IQGAP1: variants seen among roughly 807,000 people sequenced by gnomAD.
IQGAP1 encodes IQ motif containing GTPase activating protein 1.
Under a neutral mutation model 215.6 loss-of-function variants are expected in IQGAP1, and 66 were observed. The observed-to-expected ratio is 0.31, with a 90% CI of 0.25 to 0.38. IQGAP1 has a LOEUF of 0.38. Among genes scored for constraint, IQGAP1 ranks in the 10% least tolerant of loss-of-function variants. The pLI, the probability that IQGAP1 is intolerant of heterozygous loss-of-function variation, is 1.00. For synonymous variants in IQGAP1, 772 were observed against 728.7 expected (o/e 1.06, Z -0.96); for missense variants, 1,712 against 1,997.1 (o/e 0.86, Z 2.72).
At position 90,467,611 on chromosome 15, in the gene IQGAP1, C is replaced by A; in HGVS notation, c.2178+19C>A. 2.5e-6 allele frequency: 4 copies of A among 1,589,922 alleles called. No homozygotes were observed. Among genetic ancestry groups the A allele is most frequent in the East Asian group, 4.6e-5 (2 of 43,928 alleles). On this transcript the variant is annotated intron_variant, in intron 18 of 37. Transcript: ENST00000268182. ...GATCCAGGTAGGTTACCTTTCTTCA[C>A]GTAAGAAGAAGCTGAGAGAAAGTGT...
chr15:90,441,991 A>G (rs1965457087), intron 8 of IQGAP1, among the ~76,000 whole-genome samples: 1 of 152,212 alleles, frequency 6.6e-6, no homozygotes, highest in South Asian at 2.1e-4. Flanking sequence ...GGAATGATGC[A>G]GTATCTAATC....
Position 90,448,643 on chromosome 15 carries a change from G to A in IQGAP1, c.984G>A (p.Leu328=), listed in dbSNP as rs759348453. ...ATGCACTGGCCTTGTTCAGGGCTCTGCAGTCACCAGCCCTGGGGCTTCGAG... is the reference window on the plus strand; with the variant it reads ...ATGCACTGGCCTTGTTCAGGGCTCTACAGTCACCAGCCCTGGGGCTTCGAG... ...QGDALALFRA[L]QSPALGLRGL... is the part of the protein sequence containing the mutation. The change falls in exon 10 of 38, where the codon CTG becomes CTA. Residue 328 remains leucine, a synonymous_variant. Transcript: ENST00000268182. 9 of 1,612,180 alleles carry A rather than the reference G, an allele frequency of 5.6e-6. No individual in the cohort carries two copies. The South Asian group carries it at 8.8e-5, about 16-fold the overall frequency.
At chr15:90,393,963 C>T (rs1054198687) in intron 2 of IQGAP1, 1 of 152,068 alleles carries the variant, frequency 6.6e-6, no homozygotes, top group African/African-American at 2.4e-5. Flanking sequence ...GGAGAAACCC[C>T]CGTCTCTACT....
At chr15:90,466,754 G>A (rs1191511273) in intron 17 of IQGAP1, among the ~76,000 whole-genome samples, 1 of 151,954 alleles carries the variant, frequency 6.6e-6, no homozygotes, top group Non-Finnish European at 1.5e-5. Flanking sequence ...GTAAAAAGAG[G>A]GAAAGAAATA....
chr15:90,476,998 A>G, intron 24 of IQGAP1, 69 bp from the exon 25 acceptor site: 1 of 1,458,644 alleles, frequency 6.9e-7, no homozygotes, highest in East Asian at 2.3e-5. Flanking sequence ...CTTCAATTTT[A>G]AATAATTGAA....
At position 90,439,377 on chromosome 15, in the gene IQGAP1, A is replaced by G. The variant is rs760199667; in HGVS notation, c.513A>G (p.Leu171=). ...KLGLAPQIQD[L]YGKVDFTEEE... ...GCCTGGCCCCTCAGATTCAAGACCT[A>G]TATGGAAAGGTTGACTTCACAGGTA... Residue 171 remains leucine (L), a synonymous_variant, in exon 6 of 38, where the codon CTA becomes CTG. Coordinates refer to ENST00000268182, the MANE Select transcript of IQGAP1 (RefSeq NM_003870.4). The G allele has an allele frequency of 2.0e-5, 33 of 1,613,058 alleles. No individual in the cohort carries two copies. Among genetic ancestry groups the G allele is most frequent in the Non-Finnish European group, 2.7e-5 (32 of 1,179,286 alleles).
At chr15:90,441,760 A>C in intron 8 of IQGAP1, 76 bp downstream of exon 8, 1 of 1,035,428 alleles carries the variant, frequency 9.7e-7, no homozygotes, top group African/African-American at 1.6e-5. Context: ...TTTAAACATC[A>C]GTTTTATTGA....
rs748111139 is a variant in IQGAP1 at position 90,388,359 on chromosome 15, G to C, written c.18G>C (p.Glu6Asp). The C allele has an allele frequency of 1.3e-6, 2 of 1,595,064 alleles. No individual in the cohort carries two copies. The highest frequency in any genetic ancestry group is 2.8e-5 in the African/African-American group (2 of 71,948). Residue 6 changes from glutamate (E) to aspartate (D), a missense_variant, in exon 1 of 38, where the codon GAG becomes GAC. This residue lies in a region of IQGAP1 where 1,021 missense variants were observed against 1,074.2 expected (regional missense o/e 0.95). Transcript: ENST00000268182. Reference sequence around the variant, plus strand: ...CGTCCGCCATGTCCGCCGCAGACGAGGTTGACGGGCTGGGCGTGGCCCGGC... The same window carrying C: ...CGTCCGCCATGTCCGCCGCAGACGACGTTGACGGGCTGGGCGTGGCCCGGC... MSAAD[E>D]VDGLGVARPH...
rs1425298007 is a variant in IQGAP1 at position 90,491,557 on chromosome 15, G to C, written c.4461+12G>C. On this transcript the variant is annotated intron_variant, in intron 34 of 37. Coordinates refer to ENST00000268182, the MANE Select transcript of IQGAP1 (RefSeq NM_003870.4). ...ACGACATTGCCAGGGTACTGCATTCGGGGGACAGAGGGGACCCGGCCTTGT... is the reference window on the plus strand; with the variant it reads ...ACGACATTGCCAGGGTACTGCATTCCGGGGACAGAGGGGACCCGGCCTTGT... 5.0e-6 allele frequency: 8 copies of C among 1,606,470 alleles called. No individual in the cohort carries two copies. Among genetic ancestry groups the C allele is most frequent in the Non-Finnish European group, 6.8e-6 (8 of 1,173,328 alleles).
intron 9 of IQGAP1, among the ~76,000 whole-genome samples, chr15:90,447,007 A>C (rs1208537339): frequency 2.6e-5 from 4 of 152,230 alleles, no homozygotes; most frequent in Non-Finnish European, 5.9e-5. Context: ...CTAAGACTCT[A>C]TGCTATATAC....
chr15:90,446,058 G>C (rs954327698), intron 9 of IQGAP1, among the ~76,000 whole-genome samples: 2 of 152,112 alleles, frequency 1.3e-5, no homozygotes, highest in East Asian at 3.9e-4. Context: ...ATGGTATCTT[G>C]TGCTGAATCT....
At chr15:90,400,233 T>C (rs1964786575) in intron 2 of IQGAP1, among the ~76,000 whole-genome samples, 1 of 152,212 alleles carries the variant, frequency 6.6e-6, no homozygotes, top group East Asian at 1.9e-4. Flanking sequence ...TGTAGTCTAT[T>C]TTATGGCTCT....
chr15:90,469,883 A>G (rs925757110), intron 18 of IQGAP1, among the ~76,000 whole-genome samples: 2 of 152,176 alleles, frequency 1.3e-5, no homozygotes, highest in Non-Finnish European at 2.9e-5. Flanking sequence ...GGAGAGGCGA[A>G]TGGTGTATTA....
chr15:90,433,120 G>A (rs913639286), intron 4 of IQGAP1, among the ~76,000 whole-genome samples: 1 of 152,192 alleles, frequency 6.6e-6, no homozygotes, highest in Admixed American at 6.5e-5. Context: ...AAGTGCTACC[G>A]TGGAAAAGTA....
intron 9 of IQGAP1, among the ~76,000 whole-genome samples, chr15:90,445,298 AG>A (rs1326750686): frequency 3.3e-5 from 5 of 152,006 alleles, no homozygotes; most frequent in Admixed American, 1.3e-4. Flanking sequence ...CTATTTAGTA[AG>A]TACTCAATGA....
At chr15:90,487,156 A>G in intron 32 of IQGAP1, 67 bp downstream of exon 32, 10 of 1,513,976 alleles carry the variant, frequency 6.6e-6, no homozygotes, top group Non-Finnish European at 9.1e-6. Flanking sequence ...TTGGAGAGGA[A>G]CCTGCTGGGT....
chr15:90,390,681 A>G, intron 1 of IQGAP1, 93 bp from the exon 2 acceptor site: 2 of 815,742 alleles, frequency 2.5e-6, no homozygotes, highest in Non-Finnish European at 4.2e-6. Flanking sequence ...CTGACTTTCT[A>G]GGTGAGTGGC....
intron 26 of IQGAP1, among the ~76,000 whole-genome samples, chr15:90,480,720 G>A (rs1376722145): frequency 6.6e-6 from 1 of 152,184 alleles, no homozygotes; most frequent in Non-Finnish European, 1.5e-5. Context: ...TCAGGCTGGA[G>A]TGCAATGGTG....
chr15:90,485,767 T>G (rs1966117792), intron 30 of IQGAP1, among the ~76,000 whole-genome samples: 1 of 152,180 alleles, frequency 6.6e-6, no homozygotes, highest in African/African-American at 2.4e-5. Context: ...AGGGCACATT[T>G]GAATCCTTTA....
Sources: gnomAD v4.1 joint callset for allele counts (sites outside exome capture counted in the v4.1 genomes callset) on GRCh38, gnomAD v4.1.1 for gene constraint, gnomAD v4.1.1 regional missense constraint, MANE v1.5 for transcripts, NCBI Gene and HGNC (gene_info 2026-07-23, HGNC 2026-07-21) for gene names.